The following WWOX variants were observed in gnomAD, a reference collection of about 807,000 sequenced individuals.
WWOX encodes WW domain containing oxidoreductase, also known as WW domain-containing oxidoreductase.
A neutral mutation model predicts 46.2 loss-of-function variants in WWOX; 69 were observed. The ratio of observed to expected loss-of-function variants is 1.49; its 90% CI spans 1.23 to 1.82. WWOX has a LOEUF of 1.82. Among genes scored for constraint, WWOX ranks in the 40% most tolerant of loss-of-function variants. The pLI is 0.00. For missense variants in WWOX, 919 were observed against 542.6 expected (o/e 1.69, Z -6.89); for synonymous variants, 359 against 202.6 (o/e 1.77, Z -6.56).
At chr16:78,613,124 C>T (rs1452428125) in intron 8 of WWOX, among the ~76,000 whole-genome samples, 1 of 152,106 alleles carries the variant, frequency 6.6e-6, no homozygotes, top group East Asian at 1.9e-4. Context: ...GGCCTTCCTG[C>T]TTGCTCCTCT....
chr16:78,449,403 C>T (rs2083638066), intron 8 of WWOX, among the ~76,000 whole-genome samples: 1 of 152,120 alleles, frequency 6.6e-6, no homozygotes, highest in African/African-American at 2.4e-5. Context: ...GGTATGAATC[C>T]TGAGAGGCAG....
chr16:78,262,149 A>G (rs2151838198), intron 5 of WWOX, among the ~76,000 whole-genome samples: 1 of 150,214 alleles, frequency 6.7e-6, no homozygotes, highest in Non-Finnish European at 1.5e-5. Context: ...ACATCCTCCT[A>G]TCCAGGGTGA....
intron 8 of WWOX, among the ~76,000 whole-genome samples, chr16:78,476,234 G>A (rs1425295894): frequency 6.6e-6 from 1 of 152,184 alleles, no homozygotes; most frequent in East Asian, 1.9e-4. Flanking sequence ...GTGATGATGA[G>A]CATTGTTTCA....
intron 8 of WWOX, among the ~76,000 whole-genome samples, chr16:78,874,409 A>G (rs555655952): frequency 6.6e-6 from 1 of 152,174 alleles, no homozygotes. Flanking sequence ...AAAGCTGTCA[A>G]GTCCCGCTCC....
intron 8 of WWOX, among the ~76,000 whole-genome samples, chr16:78,736,490 A>G (rs941034735): frequency 3.3e-5 from 5 of 152,176 alleles, no homozygotes; most frequent in Non-Finnish European, 2.9e-5. Flanking sequence ...GGTGTCTCAA[A>G]GTCTCACATG....
chr16:78,138,838 A>T (rs2033887692), intron 4 of WWOX, among the ~76,000 whole-genome samples: 2 of 152,178 alleles, frequency 1.3e-5, no homozygotes. Flanking sequence ...AGTGCTCAAA[A>T]TGGGGCTTCT....
At chr16:78,111,733 C>A in intron 3 of WWOX, 2 of 156,134 alleles carry the variant, frequency 1.3e-5, no homozygotes, top group South Asian at 3.6e-4. Context: ...ATGCTCCTCC[C>A]GTACTCCTGG....
rs1222682039 is a variant in WWOX at position 78,349,202 on chromosome 16, C to T, written c.517-37658C>T. Among the ~76,000 whole-genome samples, 2 of 120,144 alleles carry T rather than the reference C, an allele frequency of 1.7e-5. 1 individual carries two copies. The highest frequency in any genetic ancestry group is 5.7e-5 in the African/African-American group (2 of 35,312). The allele number at this position is 120,144 out of a possible 152,430, so 78.8% of individuals were successfully genotyped here. ...CGCTGTGTGCACGCATCCCTGGTTT[C>T]TTTTCCTGTGTTCAGATGTCCTCTT... is the stretch of plus-strand genomic sequence containing the variant. On this transcript the variant is annotated intron_variant, in intron 5 of 8. Coordinates refer to ENST00000566780, the MANE Select transcript of WWOX (RefSeq NM_016373.4).
At chr16:78,519,456 A>C (rs2043303747) in intron 8 of WWOX, among the ~76,000 whole-genome samples, 1 of 151,830 alleles carries the variant, frequency 6.6e-6, no homozygotes, top group Non-Finnish European at 1.5e-5. Flanking sequence ...GTTTCCTTCT[A>C]ATTTTTTTCT....
chr16:78,436,155 CGTT>C (rs141096350), intron 8 of WWOX, among the ~76,000 whole-genome samples: 2,054 of 152,250 alleles, frequency 0.013, 54 homozygotes, highest in African/African-American at 0.047. Flanking sequence ...TTACTCTTGT[CGTT>C]GTGAGCAGTG....
At position 79,169,199 on chromosome 16, in the gene WWOX, C is replaced by T. The variant is rs115090891; in HGVS notation, c.1057-42409C>T. On this transcript the variant is annotated intron_variant, in intron 8 of 8. Transcript: ENST00000566780. ...ATTAAATAACATGTCCAAAGTCTCC[C>T]ATTTCAGAGACAGGGGCATTTGGCT... 5.8e-3 allele frequency among the ~76,000 whole-genome samples: 876 copies of T among 152,316 alleles called. 7 individuals carry two copies. The highest frequency in any genetic ancestry group is 0.018 in the African/African-American group (762 of 41,586).
intron 6 of WWOX, among the ~76,000 whole-genome samples, chr16:78,392,295 C>G (rs749467797): frequency 6.6e-6 from 1 of 152,080 alleles, no homozygotes; most frequent in African/African-American, 2.4e-5. Flanking sequence ...TGCAAGGGAT[C>G]TAGGCTGCAT....
At chr16:78,588,019 A>G (rs1244359941) in intron 8 of WWOX, among the ~76,000 whole-genome samples, 2 of 152,202 alleles carry the variant, frequency 1.3e-5, no homozygotes, top group African/African-American at 2.4e-5. Flanking sequence ...TGTGACCTGC[A>G]ATTCAGTTCA....
At chr16:79,165,635 A>G (rs940762453) in intron 8 of WWOX, among the ~76,000 whole-genome samples, 17 of 152,176 alleles carry the variant, frequency 1.1e-4, no homozygotes, top group Non-Finnish European at 2.2e-4. Flanking sequence ...CTCATTGTCC[A>G]GAAGATTCTG....
At chr16:78,202,177 A>T (rs1423262318) in intron 5 of WWOX, among the ~76,000 whole-genome samples, 2 of 152,210 alleles carry the variant, frequency 1.3e-5, no homozygotes, top group Non-Finnish European at 1.5e-5. Flanking sequence ...AGTTGATTCC[A>T]GACCAGTAAT....
At chr16:78,638,798 A>G (rs140378387) in intron 8 of WWOX, among the ~76,000 whole-genome samples, 1 of 152,276 alleles carries the variant, frequency 6.6e-6, no homozygotes, top group African/African-American at 2.4e-5. Flanking sequence ...TTCACAGTAA[A>G]ATCAGAAATA....
intron 8 of WWOX, among the ~76,000 whole-genome samples, chr16:78,913,113 C>T (rs868412310): frequency 2.6e-5 from 4 of 151,984 alleles, no homozygotes; most frequent in Non-Finnish European, 4.4e-5. Context: ...GACATCCTGC[C>T]CTACCTCCTG....
At chr16:79,115,147 C>T (rs1207980162) in intron 8 of WWOX, among the ~76,000 whole-genome samples, 2 of 152,188 alleles carry the variant, frequency 1.3e-5, no homozygotes, top group Non-Finnish European at 2.9e-5. Flanking sequence ...TTCGTGTTCC[C>T]CATGTTCTTA....
At chr16:79,057,587 G>A (rs979474237) in intron 8 of WWOX, among the ~76,000 whole-genome samples, 4 of 152,076 alleles carry the variant, frequency 2.6e-5, no homozygotes, top group South Asian at 4.1e-4. Context: ...GTGATTTTGG[G>A]GGGGGCACCA....
Sources: allele counts gnomAD v4.1 joint callset (sites outside exome capture counted in the v4.1 genomes callset), GRCh38; gene constraint gnomAD v4.1.1; transcripts MANE v1.5; gene names NCBI Gene and HGNC (gene_info 2026-07-23, HGNC 2026-07-21).